The following TSPAN5 variants were observed in gnomAD, a reference collection of about 807,000 sequenced individuals.
The protein encoded by TSPAN5 is tetraspanin 5, also known as tetraspanin-5.
In TSPAN5, 10 loss-of-function variants were observed where a neutral mutation model predicts 37.1. The observed-to-expected ratio is 0.27, with a 90% confidence interval of 0.17 to 0.46. The LOEUF (loss-of-function observed/expected upper bound fraction) is 0.46, where lower values mean the gene tolerates loss of function less well. Among genes scored for constraint, TSPAN5 ranks in the 20% least tolerant of loss-of-function variants. TSPAN5 has a pLI of 1.00. For missense variants in TSPAN5, 195 were observed against 326.6 expected (o/e 0.60, Z 3.11); for synonymous variants, 110 against 118.9 (o/e 0.93, Z 0.48).
intron 1 of TSPAN5, among the ~76,000 whole-genome samples, chr4:98,578,769 T>C (rs926619514): frequency 1.3e-5 from 2 of 152,154 alleles, no homozygotes; most frequent in African/African-American, 4.8e-5. Context: ...TCTTTGGCAC[T>C]ATTCTCTTAG....
chr4:98,624,649 A>G (rs1756554071), intron 1 of TSPAN5, among the ~76,000 whole-genome samples: 1 of 152,182 alleles, frequency 6.6e-6, no homozygotes, highest in Admixed American at 6.5e-5. Flanking sequence ...AGTCTTCTCA[A>G]TGTCCCTGTC....
At chr4:98,513,852 TA>T (rs1478373767) in intron 1 of TSPAN5, among the ~76,000 whole-genome samples, 1 of 144,320 alleles carries the variant, frequency 6.9e-6, no homozygotes, top group Non-Finnish European at 1.5e-5. Context: ...CTTTTATTCA[TA>T]AAAAGCAAAT....
chr4:98,646,015 C>A (rs1169209135), intron 1 of TSPAN5, among the ~76,000 whole-genome samples: 4 of 152,050 alleles, frequency 2.6e-5, no homozygotes, highest in African/African-American at 9.7e-5. Context: ...ACGCCCTGGC[C>A]TTCCTCTCAG....
At chr4:98,476,356 AGGCCAAAGCTCCTCCAACACCCT>A (rs760949514) in intron 6 of TSPAN5, 34 bp downstream of exon 6, 19 of 1,612,884 alleles carry the variant, frequency 1.2e-5, no homozygotes, top group African/African-American at 2.7e-5. Context: ...CACCAGGCAC[AGGCCAAAGCTCCTCCAACACCCT>A]TCGTGCTAAG....
At chr4:98,581,950 C>T (rs894171368) in intron 1 of TSPAN5, among the ~76,000 whole-genome samples, 7 of 152,064 alleles carry the variant, frequency 4.6e-5, no homozygotes, top group Admixed American at 1.3e-4. Context: ...CAGATGCCCC[C>T]GAATGTGTTC....
chr4:98,518,094 C>CT (rs535091902), intron 1 of TSPAN5, among the ~76,000 whole-genome samples: 4,464 of 132,690 alleles, frequency 0.034, 181 homozygotes, highest in Admixed American at 0.12. Context: ...AACATCTTGA[C>CT]TTTTTTTTTT....
intron 1 of TSPAN5, among the ~76,000 whole-genome samples, chr4:98,608,477 A>T (rs1756093726): frequency 6.6e-6 from 1 of 152,158 alleles, no homozygotes; most frequent in Non-Finnish European, 1.5e-5. Flanking sequence ...AGCAAGCTGC[A>T]TGTTCCTAAC....
chr4:98,565,799 C>T (rs1754992432), intron 1 of TSPAN5, among the ~76,000 whole-genome samples: 1 of 152,126 alleles, frequency 6.6e-6, no homozygotes, highest in African/African-American at 2.4e-5. Context: ...TTTTCAGTGG[C>T]CTAGAGTACA....
chr4:98,613,819 T>C (rs1318283685), intron 1 of TSPAN5, among the ~76,000 whole-genome samples: 1 of 152,158 alleles, frequency 6.6e-6, no homozygotes, highest in Non-Finnish European at 1.5e-5. Context: ...TTAAAATGCA[T>C]GGTCGCTGTT....
At chr4:98,473,452 ATTTT>A (rs35624650) in intron 7 of TSPAN5, among the ~76,000 whole-genome samples, 1 of 134,260 alleles carries the variant, frequency 7.4e-6, no homozygotes, top group Non-Finnish European at 1.6e-5. Flanking sequence ...CTTATTAGCC[ATTTT>A]TTTTTTTTTT....
At chr4:98,513,621 A>G (rs969675662) in intron 1 of TSPAN5, among the ~76,000 whole-genome samples, 11 of 152,100 alleles carry the variant, frequency 7.2e-5, no homozygotes, top group Non-Finnish European at 1.5e-4. Context: ...TACAGAGACT[A>G]TGGCTCTTCA....
chr4:98,531,067 T>C (rs895056647), intron 1 of TSPAN5, among the ~76,000 whole-genome samples: 5 of 152,214 alleles, frequency 3.3e-5, no homozygotes, highest in Non-Finnish European at 7.3e-5. Flanking sequence ...TCTCTATTTT[T>C]ATTTATTCTT....
At chr4:98,538,958 G>A (rs565711529) in intron 1 of TSPAN5, among the ~76,000 whole-genome samples, 3 of 151,864 alleles carry the variant, frequency 2.0e-5, no homozygotes, top group East Asian at 1.9e-4. Flanking sequence ...ATATGAAAAC[G>A]TCCCCTATCT....
At chr4:98,485,799 C>G (rs561048514) in intron 3 of TSPAN5, among the ~76,000 whole-genome samples, 1 of 140,628 alleles carries the variant, frequency 7.1e-6, no homozygotes, top group South Asian at 2.2e-4. Context: ...GAGAATGTCC[C>G]TGGATGATGA....
intron 1 of TSPAN5, among the ~76,000 whole-genome samples, chr4:98,612,123 G>A (rs1487857401): frequency 2.0e-5 from 3 of 152,164 alleles, no homozygotes; most frequent in African/African-American, 2.4e-5. Context: ...GGAAACTGAC[G>A]TATATTTTAT....
At chr4:98,491,313 C>T (rs1034617469) in intron 2 of TSPAN5, among the ~76,000 whole-genome samples, 1 of 152,144 alleles carries the variant, frequency 6.6e-6, no homozygotes, top group Non-Finnish European at 1.5e-5. Flanking sequence ...TATTTTTCCC[C>T]TTGGGATTAG....
intron 1 of TSPAN5, among the ~76,000 whole-genome samples, chr4:98,647,851 T>A (rs555307307): frequency 7.0e-6 from 1 of 143,150 alleles, no homozygotes; most frequent in South Asian, 2.4e-4. Context: ...TTGGCTTTTC[T>A]GTTTTGTTTT....
intron 3 of TSPAN5, chr4:98,483,908 A>G (rs1161934122): frequency 6.5e-6 from 1 of 154,902 alleles, no homozygotes; most frequent in Non-Finnish European, 1.4e-5. Flanking sequence ...CAGTGTAAAT[A>G]ACGCCCTGCC....
chr4:98,643,941 C>T (rs968004867), intron 1 of TSPAN5, among the ~76,000 whole-genome samples: 6 of 152,322 alleles, frequency 3.9e-5, no homozygotes, highest in Non-Finnish European at 7.3e-5. Context: ...GCACCAATAA[C>T]GAAACAGGTG....
Sources: allele counts gnomAD v4.1 joint callset (sites outside exome capture counted in the v4.1 genomes callset), GRCh38; gene constraint gnomAD v4.1.1; transcripts MANE v1.5; gene names NCBI Gene and HGNC (gene_info 2026-07-23, HGNC 2026-07-21).